MAP4K3: variants seen among roughly 807,000 people sequenced by gnomAD.
MAP4K3 encodes mitogen-activated protein kinase kinase kinase kinase 3.
In MAP4K3, 94 loss-of-function variants were observed where a neutral mutation model predicts 143.5. The observed-to-expected ratio is 0.65, with a 90% CI of 0.55 to 0.78. The LOEUF (loss-of-function observed/expected upper bound fraction) is 0.78. Among genes scored for constraint, MAP4K3 ranks in the 30% least tolerant of loss-of-function variants. MAP4K3 has a pLI of 0.00. For missense variants in MAP4K3, 1,077 were observed against 1,068.1 expected (o/e 1.01, Z -0.12); for synonymous variants, 416 against 347.2 (o/e 1.20, Z -2.20).
chr2:39,325,144 G>A (rs1263018772), intron 12 of MAP4K3, among the ~76,000 whole-genome samples: 1 of 152,052 alleles, frequency 6.6e-6, no homozygotes, highest in African/African-American at 2.4e-5. Context: ...AGCAAACTGA[G>A]GGGAAATTTT....
intron 21 of MAP4K3, among the ~76,000 whole-genome samples, chr2:39,286,032 A>T (rs1212424187): frequency 6.6e-6 from 1 of 152,206 alleles, no homozygotes; most frequent in African/African-American, 2.4e-5. Flanking sequence ...AGTGGTAAGT[A>T]AGAGCAGCAA....
At chr2:39,354,463 A>AATAC (rs1286682678) in intron 3 of MAP4K3, among the ~76,000 whole-genome samples, 39 of 151,746 alleles carry the variant, frequency 2.6e-4, no homozygotes, top group African/African-American at 9.2e-4. Context: ...TAAATAAATA[A>AATAC]ATAATTTAGC....
At chr2:39,428,657 C>T (rs892690624) in intron 1 of MAP4K3, among the ~76,000 whole-genome samples, 2 of 151,220 alleles carry the variant, frequency 1.3e-5, no homozygotes, top group Non-Finnish European at 1.5e-5. Flanking sequence ...ACCTGGGCAA[C>T]AAGAGAAAGA....
At chr2:39,299,836 T>C in intron 15 of MAP4K3, 35 bp from the exon 16 acceptor site, 2 of 1,149,230 alleles carry the variant, frequency 1.7e-6, no homozygotes, top group Non-Finnish European at 2.5e-6. Context: ...AGCACAATAG[T>C]AGTATATGAC....
At chr2:39,370,313 AAC>A (rs761330781) in intron 2 of MAP4K3, among the ~76,000 whole-genome samples, 1 of 152,208 alleles carries the variant, frequency 6.6e-6, no homozygotes, top group East Asian at 1.9e-4. Context: ...ATGATGTAAC[AAC>A]TACTCTATTC....
At chr2:39,383,186 C>T (rs142999057) in intron 1 of MAP4K3, among the ~76,000 whole-genome samples, 31 of 152,242 alleles carry the variant, frequency 2.0e-4, no homozygotes, top group African/African-American at 7.0e-4. Flanking sequence ...GCCTGCGACT[C>T]GGTAATTTAT....
chr2:39,377,765 G>A (rs1454172331), intron 2 of MAP4K3, among the ~76,000 whole-genome samples: 2 of 152,152 alleles, frequency 1.3e-5, no homozygotes, highest in African/African-American at 4.8e-5. Context: ...CAAGACGTCA[G>A]CCTGGAAATA....
chr2:39,321,931 C>T (rs948582624), intron 12 of MAP4K3, among the ~76,000 whole-genome samples: 10 of 152,350 alleles, frequency 6.6e-5, no homozygotes, highest in East Asian at 5.8e-4. Context: ...ATCCCCCTCT[C>T]GGGGAAACAC....
intron 2 of MAP4K3, among the ~76,000 whole-genome samples, chr2:39,362,071 T>C (rs1206113467): frequency 6.6e-6 from 1 of 152,134 alleles, no homozygotes; most frequent in Non-Finnish European, 1.5e-5. Context: ...AAAATGCCAG[T>C]TGAATCCTGA....
Position 39,394,009 on chromosome 2 carries a change from GTAAAT to G in MAP4K3, c.97-15891_97-15887del, listed in dbSNP as rs1285196196. ...CTTTCTCATGACATAAAATTTCAAA[GTAAAT>G]TAAATTAATTTATAACTAAGCTCCA... is the stretch of plus-strand genomic sequence containing the variant. On this transcript the variant is annotated intron_variant, in intron 1 of 33. Transcript: ENST00000263881. 9.9e-5 allele frequency among the ~76,000 whole-genome samples: 15 copies of G among 152,204 alleles called. No individual in the cohort carries two copies. In the East Asian group the frequency reaches 1.5e-3, roughly 16 times the overall value.
Position 39,405,998 on chromosome 2 carries a change from G to C in MAP4K3, c.97-27875C>G, listed in dbSNP as rs140647907. On this transcript the variant is annotated intron_variant, in intron 1 of 33. Transcript: ENST00000263881. ...ACTAAAAAAAATTCAAGATAACTCA[G>C]AGAAGGAATTCAGAATCCTATCAGA... Among the ~76,000 whole-genome samples the C allele has an allele frequency of 8.1e-3, 1,236 of 152,120 alleles. 16 individuals are homozygous for C. The highest frequency in any genetic ancestry group is 0.029 in the African/African-American group (1,185 of 41,496).
intron 8 of MAP4K3, among the ~76,000 whole-genome samples, chr2:39,329,155 G>A (rs1342936687): frequency 6.6e-6 from 1 of 152,142 alleles, no homozygotes; most frequent in African/African-American, 2.4e-5. Flanking sequence ...TGTGAAACTG[G>A]AGTTGGAAAT....
At chr2:39,285,630 T>C (rs535187115) in intron 21 of MAP4K3, among the ~76,000 whole-genome samples, 13 of 151,452 alleles carry the variant, frequency 8.6e-5, no homozygotes, top group Admixed American at 3.3e-4. Flanking sequence ...GAAATATTTT[T>C]AAAAAGTTAA....
intron 13 of MAP4K3, among the ~76,000 whole-genome samples, chr2:39,313,452 TTCC>T (rs1469914194): frequency 9.2e-5 from 7 of 75,976 alleles, no homozygotes; most frequent in Non-Finnish European, 3.2e-4. Context: ...TCTTCTTTCT[TTCC>T]TTCTTTCTTT....
chr2:39,321,197 T>G (rs994667045), intron 12 of MAP4K3, among the ~76,000 whole-genome samples: 1 of 152,206 alleles, frequency 6.6e-6, no homozygotes, highest in Non-Finnish European at 1.5e-5. Flanking sequence ...TTACTGTGTC[T>G]GTGTAGAAAG....
intron 31 of MAP4K3, among the ~76,000 whole-genome samples, chr2:39,257,891 G>C (rs1042904679): frequency 3.3e-5 from 5 of 151,638 alleles, no homozygotes; most frequent in African/African-American, 1.2e-4. Context: ...AAATGTGTAA[G>C]AATGAAGGCT....
intron 6 of MAP4K3, among the ~76,000 whole-genome samples, chr2:39,335,650 A>G (rs996714056): frequency 6.6e-6 from 1 of 152,180 alleles, no homozygotes; most frequent in Non-Finnish European, 1.5e-5. Context: ...AAATCTGTCA[A>G]TCCTCCCAGA....
rs754395599 is a variant in MAP4K3, at chr2:39,292,799, A to C, written c.1245T>G (p.Asp415Glu). 6.2e-7 allele frequency: 1 copy of C among 1,613,478 alleles called. No individual in the cohort carries two copies. The highest frequency in any genetic ancestry group is 1.1e-5 in the South Asian group (1 of 91,054). Residue 415 changes from aspartate to glutamate, a missense_variant, in exon 18 of 34, where the codon GAT (aspartate) becomes GAG (glutamate). Transcript: ENST00000263881. ...GTTTAGATTCATCATCATCTCCTTC[A>C]TCATCTTCTAAATGTGCGACGTGTC... Reference protein sequence around the residue: ...QRGHVAHLEDDEGDDDESKHS... With the variant: ...QRGHVAHLEDEEGDDDESKHS...
At chr2:39,279,196 C>T (rs1681402092) in intron 23 of MAP4K3, among the ~76,000 whole-genome samples, 2 of 152,106 alleles carry the variant, frequency 1.3e-5, no homozygotes, top group Non-Finnish European at 2.9e-5. Context: ...AAGAACTTTT[C>T]TAGACTAACT....
Sources: allele counts gnomAD v4.1 joint callset (sites outside exome capture counted in the v4.1 genomes callset), GRCh38; gene constraint gnomAD v4.1.1; transcripts MANE v1.5; gene names NCBI Gene and HGNC (gene_info 2026-07-23, HGNC 2026-07-21).